The following DOCK3 variants were observed in gnomAD, a reference collection of about 807,000 sequenced individuals.
DOCK3 encodes dedicator of cytokinesis 3, also known as dedicator of cytokinesis protein 3.
A neutral mutation model predicts 265.6 loss-of-function variants in DOCK3; 60 were observed. The ratio of observed to expected loss-of-function variants is 0.23; its 90% CI spans 0.18 to 0.28. The LOEUF (loss-of-function observed/expected upper bound fraction) is 0.28. DOCK3 is among the 10% of genes least tolerant of loss of function. The pLI, the probability that DOCK3 is intolerant of heterozygous loss-of-function variation, is 1.00. For synonymous variants in DOCK3, 881 were observed against 938.0 expected, an observed-to-expected ratio of 0.94 and a Z score of 1.11; for missense variants, 1,981 against 2,594.3, an observed-to-expected ratio of 0.76 and a Z score of 5.14.
intron 1 of DOCK3, among the ~76,000 whole-genome samples, chr3:50,706,108 C>T (rs957112087): frequency 6.6e-6 from 1 of 152,086 alleles, no homozygotes. Context: ...GCGCCTGCTT[C>T]TCCTTTGCCT....
intron 9 of DOCK3, among the ~76,000 whole-genome samples, chr3:51,119,784 G>GTT (rs2083928462): frequency 6.6e-6 from 1 of 151,862 alleles, no homozygotes; most frequent in Non-Finnish European, 1.5e-5. Context: ...GCTTCACAAA[G>GTT]TTCTTGTGCT....
At chr3:51,016,590 A>G (rs1226661689) in intron 5 of DOCK3, among the ~76,000 whole-genome samples, 1 of 90,666 alleles carries the variant, frequency 1.1e-5, no homozygotes, top group South Asian at 3.1e-4. Flanking sequence ...TATATCATAT[A>G]TTATATATGA....
chr3:51,158,630 G>A (rs1029325688), intron 10 of DOCK3, among the ~76,000 whole-genome samples: 1 of 152,060 alleles, frequency 6.6e-6, no homozygotes, highest in Non-Finnish European at 1.5e-5. Context: ...GATCATATGT[G>A]TTTACTTAAA....
At chr3:51,257,974 C>T (rs538911972) in intron 22 of DOCK3, among the ~76,000 whole-genome samples, 1 of 152,326 alleles carries the variant, frequency 6.6e-6, no homozygotes, top group Admixed American at 6.5e-5. Context: ...TCAGAGATGA[C>T]TGGAAGTGGG....
rs2088779291 is a variant in DOCK3 at position 51,383,323 on chromosome 3, C to CT, written c.*1765dup. Reference sequence around the variant, plus strand: ...CCAGGCAGAGTGGGGCGGAAGGCTGCTGAGGATATGGGTCAGTTACAGCAG... The same window carrying CT: ...CCAGGCAGAGTGGGGCGGAAGGCTGCTTGAGGATATGGGTCAGTTACAGCAG... On this transcript the variant is annotated 3_prime_UTR_variant, in exon 53 of 53. Coordinates refer to ENST00000266037, the MANE Select transcript of DOCK3 (RefSeq NM_004947.5). 1 of 152,578 alleles carries CT rather than the reference C, an allele frequency of 6.6e-6. No individual in the cohort carries two copies. Among genetic ancestry groups the CT allele is most frequent in the Non-Finnish European group, 1.5e-5 (1 of 68,056 alleles). 9.5% of individuals were successfully genotyped at this position (152,578 alleles called of 1,614,324 possible). A position where few individuals can be genotyped will look rare whatever the true frequency, so the allele number is the denominator to read the frequency against.
In DOCK3 at chr3:51,296,947, G is replaced by T. The variant is rs561111203; in HGVS notation, c.2923-13285G>T. ...CACCCTGGCCAACATGGGGAAACCC[G>T]TCTTTACTAAAAATTTAAAAATTAG... On this transcript the variant is annotated intron_variant, in intron 27 of 52. Coordinates refer to ENST00000266037, the MANE Select transcript of DOCK3 (RefSeq NM_004947.5). 7.9e-5 allele frequency among the ~76,000 whole-genome samples: 12 copies of T among 151,454 alleles called. No homozygotes were observed. The South Asian group carries it at 2.3e-3, about 29-fold the overall frequency.
In DOCK3 at chr3:51,227,315, T is replaced by A; in HGVS notation, c.1410T>A (p.Asn470Lys). Reference sequence around the variant, plus strand: ...TCAGCTTGGGTTCAGGAGAGCCAAATAGGAGTTCCTACCACTCCTTTGTCC... The same window carrying A: ...TCAGCTTGGGTTCAGGAGAGCCAAAAAGGAGTTCCTACCACTCCTTTGTCC... The part of the protein sequence containing the change: ...DCISLGSGEP[N>K]RSSYHSFVLY... The change falls in exon 16 of 53, where the codon AAT (asparagine) becomes AAA (lysine). Residue 470 changes from asparagine (N) to lysine (K), a missense_variant. Physicochemically the swap from Asn to Lys is moderately conservative, Grantham distance 94 (BLOSUM62 0). Coordinates refer to ENST00000266037, the MANE Select transcript of DOCK3 (RefSeq NM_004947.5). 6.2e-7 allele frequency: 1 copy of A among 1,613,882 alleles called. No individual in the cohort carries two copies. The highest frequency in any genetic ancestry group is 8.5e-7 in the Non-Finnish European group (1 of 1,179,856).
chr3:50,743,067 C>T (rs957538194), intron 1 of DOCK3, among the ~76,000 whole-genome samples: 30 of 152,006 alleles, frequency 2.0e-4, no homozygotes, highest in African/African-American at 7.0e-4. Flanking sequence ...AATTTTCAAC[C>T]CAGAATTTCA....
intron 21 of DOCK3, among the ~76,000 whole-genome samples, chr3:51,238,671 C>T (rs559598603): frequency 2.6e-5 from 4 of 152,168 alleles, no homozygotes; most frequent in South Asian, 4.2e-4. Flanking sequence ...CATGCATTCT[C>T]GTCATGTAGC....
intron 1 of DOCK3, among the ~76,000 whole-genome samples, chr3:50,678,971 G>A (rs185249960): frequency 1.3e-5 from 2 of 151,978 alleles, no homozygotes; most frequent in East Asian, 1.9e-4. Flanking sequence ...CACCATGCCC[G>A]GCTAATTTTG....
intron 5 of DOCK3, among the ~76,000 whole-genome samples, chr3:50,989,875 C>T (rs1216158465): frequency 6.6e-6 from 1 of 151,978 alleles, no homozygotes; most frequent in Non-Finnish European, 1.5e-5. Context: ...AGGAGGATGG[C>T]AAAACCCAAT....
chr3:51,194,440 A>T (rs1443877794), intron 12 of DOCK3, among the ~76,000 whole-genome samples: 2 of 152,220 alleles, frequency 1.3e-5, no homozygotes, highest in Admixed American at 1.3e-4. Context: ...GTGCAACTTA[A>T]AGCCAATGTT....
intron 1 of DOCK3, among the ~76,000 whole-genome samples, chr3:50,753,088 A>G (rs1164363920): frequency 1.3e-5 from 2 of 152,180 alleles, no homozygotes; most frequent in African/African-American, 4.8e-5. Flanking sequence ...ACAGATCTCC[A>G]CACGTTTTTT....
At chr3:51,046,674 C>A (rs1184214664) in intron 5 of DOCK3, among the ~76,000 whole-genome samples, 2 of 152,002 alleles carry the variant, frequency 1.3e-5, no homozygotes, top group African/African-American at 4.8e-5. Context: ...ATGGATAGAT[C>A]AGACAGAAAA....
chr3:50,999,725 C>T (rs1458745487), intron 5 of DOCK3, among the ~76,000 whole-genome samples: 2 of 152,176 alleles, frequency 1.3e-5, no homozygotes, highest in Non-Finnish European at 2.9e-5. Context: ...CCACCTCAGA[C>T]TTCTCCTTCT....
At chr3:50,714,748 C>G (rs2036993860) in intron 1 of DOCK3, among the ~76,000 whole-genome samples, 1 of 152,166 alleles carries the variant, frequency 6.6e-6, no homozygotes, top group Non-Finnish European at 1.5e-5. Context: ...CTAACTACCT[C>G]TCTAAGTCTC....
At position 50,778,668 on chromosome 3, in the gene DOCK3, T is replaced by C. The variant is rs1324916798; in HGVS notation, c.38-7T>C. On this transcript the variant is annotated splice_region_variant and splice_polypyrimidine_tract_variant and intron_variant, in intron 1 of 52. Transcript: ENST00000266037. Reference sequence around the variant, plus strand: ...GCTAATTGGTGTGTTTATCCTTGCTTTTCTAGTGATATGCAGCTTTCGAGG... The same window carrying C: ...GCTAATTGGTGTGTTTATCCTTGCTCTTCTAGTGATATGCAGCTTTCGAGG... The C allele has an allele frequency of 6.3e-7, 1 of 1,576,516 alleles. No individual in the cohort carries two copies. Among genetic ancestry groups the C allele is most frequent in the African/African-American group, 1.3e-5 (1 of 74,350 alleles).
intron 1 of DOCK3, among the ~76,000 whole-genome samples, chr3:50,700,509 C>A (rs1446828461): frequency 6.6e-6 from 1 of 152,120 alleles, no homozygotes; most frequent in East Asian, 1.9e-4. Flanking sequence ...TAAAAGCTCC[C>A]ACATATGGGT....
intron 21 of DOCK3, among the ~76,000 whole-genome samples, chr3:51,244,136 G>T (rs1486366630): frequency 3.3e-5 from 5 of 152,072 alleles, no homozygotes; most frequent in Non-Finnish European, 5.9e-5. Flanking sequence ...AAATCAGGAA[G>T]TATGAGACTG....
Sources: allele counts gnomAD v4.1 joint callset (sites outside exome capture counted in the v4.1 genomes callset), GRCh38; gene constraint gnomAD v4.1.1; transcripts MANE v1.5; gene names NCBI Gene and HGNC (gene_info 2026-07-23, HGNC 2026-07-21).